COBL: variants seen among roughly 807,000 people sequenced by gnomAD.
The protein encoded by COBL is protein cordon-bleu.
In COBL, 51 loss-of-function variants were observed where a neutral mutation model predicts 98.8. The ratio of observed to expected loss-of-function variants is 0.52; its 90% CI spans 0.41 to 0.65. The LOEUF is 0.65. Among genes scored for constraint, COBL ranks in the 30% least tolerant of loss-of-function variants. The probability of loss-of-function intolerance (pLI) is 0.00; values close to 1 mark genes in which losing one functional copy is unlikely to be tolerated. For synonymous variants in COBL, 634 were observed against 651.7 expected (o/e 0.97, Z 0.41); for missense variants, 1,617 against 1,617.5 (o/e 1.00, Z 0.01).
chr7:51,103,403 TC>T (rs1413717543), intron 6 of COBL, among the ~76,000 whole-genome samples: 1 of 152,208 alleles, frequency 6.6e-6, no homozygotes, highest in African/African-American at 2.4e-5. Context: ...GTAAATATTT[TC>T]CCTAGTTTGT....
intron 6 of COBL, among the ~76,000 whole-genome samples, chr7:51,095,766 CA>C (rs1025016935): frequency 1.2e-4 from 19 of 152,182 alleles, no homozygotes; most frequent in African/African-American, 4.6e-4. Context: ...AGATAGACTT[CA>C]AGTCAAAAAC....
chr7:51,250,015 T>C (rs1012730048), intron 1 of COBL, among the ~76,000 whole-genome samples: 1 of 151,936 alleles, frequency 6.6e-6, no homozygotes, highest in Non-Finnish European at 1.5e-5. Context: ...GGCAGGAGAA[T>C]TACTAGAACC....
rs368162920 is a variant in COBL at position 51,162,716 on chromosome 7, C to T, written c.783+21386G>A. Among the ~76,000 whole-genome samples, 221 of 152,284 alleles carry T rather than the reference C, an allele frequency of 1.5e-3. 1 individual carries two copies. The highest frequency in any genetic ancestry group is 6.2e-3 in the South Asian group (30 of 4,822). On this transcript the variant is annotated intron_variant, in intron 5 of 12. Transcript: ENST00000265136. Reference sequence around the variant, plus strand: ...CGCTACAATGAACCTACAAAGTGGGCAGTTTAGCAGATGAGGAAAGTGAAG... The same window carrying T: ...CGCTACAATGAACCTACAAAGTGGGTAGTTTAGCAGATGAGGAAAGTGAAG...
At chr7:51,139,775 A>G (rs2129010436) in intron 5 of COBL, among the ~76,000 whole-genome samples, 1 of 152,358 alleles carries the variant, frequency 6.6e-6, no homozygotes, top group Middle Eastern at 3.4e-3. Flanking sequence ...AAACATTGTG[A>G]AGTATTGAGT....
At chr7:51,059,418 T>C (rs530636134) in intron 7 of COBL, among the ~76,000 whole-genome samples, 2 of 152,346 alleles carry the variant, frequency 1.3e-5, no homozygotes, top group African/African-American at 4.8e-5. Flanking sequence ...AGTGAGGACT[T>C]ACTGTATAAT....
intron 1 of COBL, among the ~76,000 whole-genome samples, chr7:51,298,197 A>G (rs1416201578): frequency 6.6e-6 from 1 of 152,232 alleles, no homozygotes; most frequent in African/African-American, 2.4e-5. Flanking sequence ...CATCCTGACA[A>G]AAGTTGGCAA....
At chr7:51,264,835 GTTC>G (rs1798057203) in intron 1 of COBL, among the ~76,000 whole-genome samples, 1 of 152,006 alleles carries the variant, frequency 6.6e-6, no homozygotes, top group African/African-American at 2.4e-5. Context: ...TACACCAAAG[GTTC>G]ATTACATTGT....
At chr7:51,082,463 G>A (rs972304484) in intron 7 of COBL, among the ~76,000 whole-genome samples, 4 of 152,212 alleles carry the variant, frequency 2.6e-5, no homozygotes, top group African/African-American at 9.6e-5. Context: ...GAAACAAAGA[G>A]AGCCCCATCT....
chr7:51,281,747 T>C (rs143587794), intron 1 of COBL, among the ~76,000 whole-genome samples: 1 of 152,216 alleles, frequency 6.6e-6, no homozygotes, highest in East Asian at 1.9e-4. Context: ...GCAAAGAGAA[T>C]TCACTGCCAG....
At position 51,143,304 on chromosome 7, in the gene COBL, A is replaced by G. The variant is rs377319018; in HGVS notation, c.784-6973T>C. 1.3e-4 allele frequency among the ~76,000 whole-genome samples: 20 copies of G among 152,344 alleles called. No individual in the cohort carries two copies. The East Asian group carries it at 1.4e-3, about 10-fold the overall frequency. ...AGTTTCAGGGAAAAATGAGGTTCCA[A>G]CTTATAAAAATAATACAATCCTAAT... is the stretch of plus-strand genomic sequence containing the variant. On this transcript the variant is annotated intron_variant, in intron 5 of 12. Coordinates refer to ENST00000265136, the MANE Select transcript of COBL (RefSeq NM_015198.5).
intron 5 of COBL, among the ~76,000 whole-genome samples, chr7:51,150,949 T>C (rs1344933466): frequency 6.6e-6 from 1 of 152,104 alleles, no homozygotes; most frequent in African/African-American, 2.4e-5. Flanking sequence ...AGCCCCTTCT[T>C]CAGGAGCAAG....
intron 1 of COBL, among the ~76,000 whole-genome samples, chr7:51,274,824 A>C (rs1799137956): frequency 6.6e-6 from 1 of 152,246 alleles, no homozygotes; most frequent in Admixed American, 6.5e-5. Context: ...TTTAAAATAT[A>C]AGATAGAAGA....
chr7:51,108,721 A>C (rs1185434496), intron 6 of COBL, among the ~76,000 whole-genome samples: 2 of 152,090 alleles, frequency 1.3e-5, no homozygotes, highest in Non-Finnish European at 1.5e-5. Context: ...GGCAGGAGCC[A>C]GCTCTCAGAC....
intron 6 of COBL, among the ~76,000 whole-genome samples, chr7:51,117,727 G>C (rs10441470): frequency 0.016 from 2,392 of 151,938 alleles, 61 homozygotes; most frequent in African/African-American, 0.055. Context: ...TCACATTTTC[G>C]AATAGGTCGC....
Position 51,028,019 on chromosome 7 carries a change from G to A in COBL, c.3077C>T (p.Thr1026Ile). The A allele has an allele frequency of 6.2e-7, 1 of 1,604,396 alleles. No homozygotes were observed. The highest frequency in any genetic ancestry group is 8.5e-7 in the Non-Finnish European group (1 of 1,175,042). ...PDGTDPPPPH[T>I]SDTQACSREL... ...CCTGCTGCAGGCCTGAGTGTCAGATGTGTGTGGAGGGGGTGGGTCTGTACC... is the reference window on the plus strand; with the variant it reads ...CCTGCTGCAGGCCTGAGTGTCAGATATGTGTGGAGGGGGTGGGTCTGTACC... The change falls in exon 10 of 13, where the codon ACA (threonine) becomes ATA (isoleucine). Residue 1026 changes from threonine to isoleucine, a missense_variant. By Grantham distance (89) the Thr-to-Ile change is moderately conservative. Around this residue, in one of 3 missense-constraint regions of COBL, gnomAD observed 1,304 missense variants for 1,282.0 expected, o/e 1.02. Transcript: ENST00000265136.
At position 51,280,151 on chromosome 7, in the gene COBL, G is replaced by A. The variant is rs142440518; in HGVS notation, c.41+36442C>T. ...TAGAGACCAGAATTCGAAGTACCAC[G>A]AAAACAGCACTCAGTTTAACATTTT... is the stretch of plus-strand genomic sequence containing the variant. On this transcript the variant is annotated intron_variant, in intron 1 of 12. Transcript: ENST00000265136. Among the ~76,000 whole-genome samples, 591 of 152,218 alleles carry A rather than the reference G, an allele frequency of 3.9e-3. 2 individuals are homozygous for A. Among genetic ancestry groups the A allele is most frequent in the African/African-American group, 0.014 (572 of 41,518 alleles).
At chr7:51,294,530 C>T (rs1008084462) in intron 1 of COBL, among the ~76,000 whole-genome samples, 4 of 150,742 alleles carry the variant, frequency 2.7e-5, no homozygotes, top group African/African-American at 9.8e-5. Flanking sequence ...ATAATCCCAG[C>T]TACTCAGGAG....
intron 1 of COBL, among the ~76,000 whole-genome samples, chr7:51,278,448 C>T (rs1166516751): frequency 6.8e-6 from 1 of 147,252 alleles, no homozygotes; most frequent in African/African-American, 2.5e-5. Flanking sequence ...GGCGCGATCT[C>T]GGCTCACTGC....
chr7:51,197,108 TGTA>T (rs1262330481), intron 2 of COBL, among the ~76,000 whole-genome samples: 1 of 152,144 alleles, frequency 6.6e-6, no homozygotes, highest in African/African-American at 2.4e-5. Flanking sequence ...CTCTTTCAAT[TGTA>T]GTGTTAGGTT....
Sources: allele counts gnomAD v4.1 joint callset (sites outside exome capture counted in the v4.1 genomes callset), GRCh38; gene constraint gnomAD v4.1.1; regional missense constraint gnomAD v4.1.1; transcripts MANE v1.5; gene names NCBI Gene and HGNC (gene_info 2026-07-23, HGNC 2026-07-21).